The following SH3RF3 variants were observed in gnomAD, a reference collection of about 807,000 sequenced individuals.
SH3RF3 encodes the protein E3 ubiquitin-protein ligase SH3RF3.
A neutral mutation model predicts 66.3 loss-of-function variants in SH3RF3; 29 were observed. The ratio of observed to expected loss-of-function variants is 0.44; its 90% confidence interval spans 0.33 to 0.60. SH3RF3 has a LOEUF of 0.60. Ranked by LOEUF, SH3RF3 falls within the 20% of genes least tolerant of loss-of-function variation. The pLI is 0.04. For missense variants in SH3RF3, 1,194 were observed against 1,190.9 expected (o/e 1.00, Z -0.04); for synonymous variants, 583 against 532.0 (o/e 1.10, Z -1.32).
chr2:109,175,315 A>G (rs1172630285), intron 1 of SH3RF3, among the ~76,000 whole-genome samples: 1 of 152,052 alleles, frequency 6.6e-6, no homozygotes, highest in Non-Finnish European at 1.5e-5. Flanking sequence ...TCTTGATGAG[A>G]TGTCTGAGGG....
intron 1 of SH3RF3, among the ~76,000 whole-genome samples, chr2:109,324,220 A>G (rs930725476): frequency 7.9e-5 from 12 of 152,248 alleles, no homozygotes; most frequent in African/African-American, 2.9e-4. Flanking sequence ...GTGGATGGAC[A>G]TCTGGGATGT....
intron 1 of SH3RF3, among the ~76,000 whole-genome samples, chr2:109,282,862 G>T (rs185718254): frequency 7.4e-4 from 113 of 152,292 alleles, no homozygotes; most frequent in Non-Finnish European, 6.9e-4. Context: ...TGTGAGGAGA[G>T]GAGCTATGGA....
At chr2:109,475,153 A>AT (rs1168024791) in intron 8 of SH3RF3, among the ~76,000 whole-genome samples, 1 of 151,656 alleles carries the variant, frequency 6.6e-6, no homozygotes, top group Non-Finnish European at 1.5e-5. Context: ...AATTTTTTGT[A>AT]TTTTTAGTAG....
chr2:109,378,058 C>T (rs1020070480), intron 3 of SH3RF3, among the ~76,000 whole-genome samples: 3 of 152,230 alleles, frequency 2.0e-5, no homozygotes, highest in Non-Finnish European at 4.4e-5. Flanking sequence ...TCGGCCCTTG[C>T]CTGGGCCAGG....
chr2:109,229,407 TCC>T lies in SH3RF3; in HGVS notation c.573+99296_573+99297del, dbSNP rs532747662. On this transcript the variant is annotated intron_variant, in intron 1 of 9. Transcript: ENST00000309415. ...GTTTTTTCCTGCCATCCTTTTTCTG[TCC>T]CAGGATCCCATACTGCCTCACAGCT... 1.8e-3 allele frequency among the ~76,000 whole-genome samples: 276 copies of T among 152,300 alleles called. 1 individual carries two copies. Among genetic ancestry groups the T allele is most frequent in the African/African-American group, 6.4e-3 (267 of 41,564 alleles).
intron 5 of SH3RF3, among the ~76,000 whole-genome samples, chr2:109,422,731 C>G (rs1246919122): frequency 6.6e-6 from 1 of 152,172 alleles, no homozygotes; most frequent in African/African-American, 2.4e-5. Flanking sequence ...CAGAGGGTCT[C>G]AAGGTTGATG....
chr2:109,485,929 TG>T (rs2104361207), intron 8 of SH3RF3, among the ~76,000 whole-genome samples: 1 of 152,370 alleles, frequency 6.6e-6, no homozygotes, highest in Admixed American at 6.5e-5. Flanking sequence ...TACCAGCACC[TG>T]GCTTCTCACC....
chr2:109,455,721 C>G (rs996700004), intron 8 of SH3RF3, among the ~76,000 whole-genome samples: 1 of 152,196 alleles, frequency 6.6e-6, no homozygotes, highest in African/African-American at 2.4e-5. Flanking sequence ...TAGGTAGACC[C>G]TTACTCGTCC....
rs138682043 is a variant in SH3RF3, at chr2:109,504,191, G to A, written c.*2520G>A. 3.9e-5 allele frequency: 6 copies of A among 152,336 alleles called. No homozygotes were observed. Among genetic ancestry groups the A allele is most frequent in the African/African-American group, 1.2e-4 (5 of 41,578 alleles). 9.4% of individuals were successfully genotyped at this position (152,336 alleles called of 1,614,324 possible). A position where few individuals can be genotyped will look rare whatever the true frequency, so the allele number is the denominator to read the frequency against. ...GCCTCAAAGGGTACACATGTTTGGCGGTTAAGATGAAACTAACCCTTATGT... is the reference window on the plus strand; with the variant it reads ...GCCTCAAAGGGTACACATGTTTGGCAGTTAAGATGAAACTAACCCTTATGT... On this transcript the variant is annotated 3_prime_UTR_variant, in exon 10 of 10. Coordinates refer to ENST00000309415, the MANE Select transcript of SH3RF3 (RefSeq NM_001099289.3).
intron 1 of SH3RF3, among the ~76,000 whole-genome samples, chr2:109,190,850 A>G (rs189836687): frequency 4.3e-4 from 66 of 151,980 alleles, no homozygotes; most frequent in Non-Finnish European, 7.1e-4. Flanking sequence ...ACATCTGGTT[A>G]AGCACTTACT....
intron 5 of SH3RF3, among the ~76,000 whole-genome samples, chr2:109,431,481 G>A (rs767708297): frequency 6.6e-6 from 1 of 152,242 alleles, no homozygotes; most frequent in Non-Finnish European, 1.5e-5. Context: ...TATAGGTATA[G>A]TTAAGTATTT....
At chr2:109,186,538 A>G (rs969641015) in intron 1 of SH3RF3, among the ~76,000 whole-genome samples, 4 of 152,250 alleles carry the variant, frequency 2.6e-5, no homozygotes, top group African/African-American at 4.8e-5. Context: ...TAGAAAGTCA[A>G]TTCTGTTTTT....
chr2:109,472,445 G>A (rs565582211), intron 8 of SH3RF3, among the ~76,000 whole-genome samples: 25 of 152,286 alleles, frequency 1.6e-4, no homozygotes, highest in African/African-American at 5.3e-4. Flanking sequence ...GGGGCTTCCC[G>A]ACGGGGCTTC....
intron 8 of SH3RF3, among the ~76,000 whole-genome samples, chr2:109,488,854 G>A (rs1016526238): frequency 1.3e-5 from 2 of 152,234 alleles, no homozygotes; most frequent in African/African-American, 4.8e-5. Context: ...GTTATTGGAG[G>A]GAGAGTGAGG....
At chr2:109,409,709 C>A (rs1272351772) in intron 4 of SH3RF3, among the ~76,000 whole-genome samples, 1 of 152,048 alleles carries the variant, frequency 6.6e-6, no homozygotes, top group Non-Finnish European at 1.5e-5. Context: ...AGAGGGAGAT[C>A]GAGAGGCACG....
intron 3 of SH3RF3, among the ~76,000 whole-genome samples, chr2:109,382,580 C>A (rs1215813554): frequency 6.6e-6 from 1 of 152,220 alleles, no homozygotes; most frequent in East Asian, 1.9e-4. Flanking sequence ...TCACCCCACA[C>A]AGAGCACCCC....
At chr2:109,195,523 A>G (rs1678475668) in intron 1 of SH3RF3, among the ~76,000 whole-genome samples, 1 of 152,222 alleles carries the variant, frequency 6.6e-6, no homozygotes, top group Admixed American at 6.5e-5. Context: ...TACGTTCTTT[A>G]GAGGCCTGCT....
intron 1 of SH3RF3, among the ~76,000 whole-genome samples, chr2:109,184,385 G>A (rs1181521725): frequency 6.6e-6 from 1 of 152,224 alleles, no homozygotes; most frequent in Non-Finnish European, 1.5e-5. Context: ...AATGCAGAAA[G>A]GCAGCTTTTC....
rs1280530673 is a variant in SH3RF3 at position 109,370,213 on chromosome 2, CTGTCTCTGTCTCTG to C, written c.850-1371_850-1358del. Among the ~76,000 whole-genome samples the C allele has an allele frequency of 4.2e-4, 63 of 149,440 alleles. No individual in the cohort carries two copies. The South Asian group carries it at 5.9e-3, about 14-fold the overall frequency. ...GTGGTCTCTGTCTCTGTCTCTGTCT[CTGTCTCTGTCTCTG>C]TCTCTCTCTCTCTTTTTCTTTTTTT... On this transcript the variant is annotated intron_variant, in intron 2 of 9. Coordinates refer to ENST00000309415, the MANE Select transcript of SH3RF3 (RefSeq NM_001099289.3).
Sources: allele counts gnomAD v4.1 joint callset (sites outside exome capture counted in the v4.1 genomes callset), GRCh38; gene constraint gnomAD v4.1.1; transcripts MANE v1.5; gene names NCBI Gene and HGNC (gene_info 2026-07-23, HGNC 2026-07-21).